DLGAP1: variants seen among roughly 807,000 people sequenced by gnomAD.
DLGAP1 encodes the protein DLG associated protein 1.
In DLGAP1, 11 loss-of-function variants were observed where a neutral mutation model predicts 90.8. The ratio of observed to expected loss-of-function variants is 0.12; its 90% CI spans 0.08 to 0.20. DLGAP1 has a LOEUF of 0.20. Among genes scored for constraint, DLGAP1 ranks in the 10% least tolerant of loss-of-function variants. DLGAP1 has a pLI of 1.00. For synonymous variants in DLGAP1, 558 were observed against 540.7 expected (o/e 1.03, Z -0.44); for missense variants, 1,050 against 1,333.8 (o/e 0.79, Z 3.31).
chr18:4,279,037 A>G (rs1228581399), intron 1 of DLGAP1, among the ~76,000 whole-genome samples: 1 of 152,244 alleles, frequency 6.6e-6, no homozygotes, highest in Non-Finnish European at 1.5e-5. Context: ...TGGCTGAGAG[A>G]AGCAAAAATC....
chr18:3,573,446 G>A (rs1047051573), intron 8 of DLGAP1, among the ~76,000 whole-genome samples: 5 of 152,106 alleles, frequency 3.3e-5, no homozygotes, highest in Non-Finnish European at 7.3e-5. Flanking sequence ...AAGTTACAGT[G>A]AGCCTAGATC....
chr18:3,571,176 T>C (rs1568217124), intron 8 of DLGAP1: 1 of 152,084 alleles, frequency 6.6e-6, no homozygotes, highest in South Asian at 2.1e-4. Flanking sequence ...TAAATAATTT[T>C]CCATTTATTA....
intron 10 of DLGAP1, among the ~76,000 whole-genome samples, chr18:3,513,107 A>T (rs1014569613): frequency 2.0e-5 from 3 of 152,208 alleles, no homozygotes; most frequent in Non-Finnish European, 4.4e-5. Flanking sequence ...TACATCATAT[A>T]AGCAGAATCA....
chr18:3,655,937 G>C (rs1314152802), intron 7 of DLGAP1: 2 of 771,662 alleles, frequency 2.6e-6, no homozygotes, highest in Non-Finnish European at 4.1e-6. Flanking sequence ...AAAATGACCA[G>C]AACAAGGAGA....
chr18:3,637,209 A>T (rs779078231), intron 7 of DLGAP1, among the ~76,000 whole-genome samples: 50 of 151,956 alleles, frequency 3.3e-4, no homozygotes, highest in Non-Finnish European at 6.9e-4. Flanking sequence ...ATTTGCAGGG[A>T]TAGTGAGTGA....
chr18:4,259,055 G>A (rs987410044), intron 1 of DLGAP1, among the ~76,000 whole-genome samples: 9 of 152,106 alleles, frequency 5.9e-5, no homozygotes, highest in South Asian at 2.1e-4. Context: ...GAATATATTC[G>A]TTGTACATAC....
chr18:3,903,433 A>T (rs1225183021), intron 3 of DLGAP1, among the ~76,000 whole-genome samples: 4 of 152,234 alleles, frequency 2.6e-5, no homozygotes, highest in Non-Finnish European at 5.9e-5. Context: ...AAGCAGGAAA[A>T]TTGAGATAAC....
At chr18:4,394,491 C>T (rs975453848) in intron 1 of DLGAP1, among the ~76,000 whole-genome samples, 1 of 152,090 alleles carries the variant, frequency 6.6e-6, no homozygotes, top group African/African-American at 2.4e-5. Flanking sequence ...CAGAAAAATG[C>T]ACATCTACTT....
chr18:3,779,095 C>A (rs1196423330), intron 5 of DLGAP1, among the ~76,000 whole-genome samples: 1 of 152,160 alleles, frequency 6.6e-6, no homozygotes, highest in East Asian at 1.9e-4. Context: ...AAATCTAGCT[C>A]CCAAATTTCT....
At chr18:3,942,618 A>C (rs2072792229) in intron 3 of DLGAP1, among the ~76,000 whole-genome samples, 1 of 152,180 alleles carries the variant, frequency 6.6e-6, no homozygotes, top group Non-Finnish European at 1.5e-5. Context: ...GAATGGAAAA[A>C]ACTGAACAGG....
At chr18:3,662,108 ATTT>A (rs140826965) in intron 7 of DLGAP1, among the ~76,000 whole-genome samples, 2 of 148,828 alleles carry the variant, frequency 1.3e-5, no homozygotes, top group Non-Finnish European at 1.5e-5. Flanking sequence ...TAAAAAAAAA[ATTT>A]TTTTTAAAGC....
At chr18:4,451,859 T>A (rs899933860) in intron 1 of DLGAP1, among the ~76,000 whole-genome samples, 4 of 152,020 alleles carry the variant, frequency 2.6e-5, no homozygotes, top group Non-Finnish European at 5.9e-5. Context: ...ATAAAAAAAA[T>A]GTACAAAAGA....
intron 1 of DLGAP1, among the ~76,000 whole-genome samples, chr18:4,355,120 CT>C (rs1275770767): frequency 6.6e-6 from 1 of 152,250 alleles, no homozygotes; most frequent in Middle Eastern, 3.4e-3. Flanking sequence ...CAATGACACT[CT>C]TAGGCATTTG....
chr18:4,321,918 T>C (rs2080695416), intron 1 of DLGAP1, among the ~76,000 whole-genome samples: 1 of 151,650 alleles, frequency 6.6e-6, no homozygotes. Flanking sequence ...TATTACAGGC[T>C]GGGTGAGGGT....
intron 3 of DLGAP1, among the ~76,000 whole-genome samples, chr18:4,000,381 T>C (rs2074157715): frequency 6.6e-6 from 1 of 152,238 alleles, no homozygotes; most frequent in Non-Finnish European, 1.5e-5. Flanking sequence ...CTACTTTTTA[T>C]ATTCTCTTTC....
intron 1 of DLGAP1, among the ~76,000 whole-genome samples, chr18:4,386,373 A>T (rs1485266605): frequency 1.3e-5 from 2 of 152,220 alleles, no homozygotes; most frequent in Admixed American, 1.3e-4. Context: ...TCACTGACCT[A>T]GTAAACATGA....
At chr18:4,362,771 G>A (rs1333058443) in intron 1 of DLGAP1, among the ~76,000 whole-genome samples, 1 of 152,014 alleles carries the variant, frequency 6.6e-6, no homozygotes, top group Non-Finnish European at 1.5e-5. Context: ...GAAAAACACT[G>A]GATGAAAATG....
intron 3 of DLGAP1, among the ~76,000 whole-genome samples, chr18:3,994,438 C>T (rs1286984090): frequency 6.6e-6 from 1 of 152,142 alleles, no homozygotes; most frequent in Admixed American, 6.5e-5. Flanking sequence ...TATAAACAGA[C>T]CCTTCTCTAA....
intron 7 of DLGAP1, among the ~76,000 whole-genome samples, chr18:3,627,835 C>G (rs1328914577): frequency 6.7e-6 from 1 of 149,176 alleles, no homozygotes; most frequent in Non-Finnish European, 1.5e-5. Flanking sequence ...TTTTTTCTTT[C>G]TTTCTTCCTT....
Sources: allele counts gnomAD v4.1 joint callset (sites outside exome capture counted in the v4.1 genomes callset), GRCh38; gene constraint gnomAD v4.1.1; transcripts MANE v1.5; gene names NCBI Gene and HGNC (gene_info 2026-07-23, HGNC 2026-07-21).